PFKFB3: variants seen among roughly 807,000 people sequenced by gnomAD.
PFKFB3 encodes the protein 6-phosphofructo-2-kinase/fructose-2,6-biphosphatase 3, also known as 6-phosphofructo-2-kinase/fructose-2,6-bisphosphatase 3.
Under a neutral mutation model 68.0 loss-of-function variants are expected in PFKFB3, and 33 were observed. The ratio of observed to expected loss-of-function variants is 0.49; its 90% confidence interval spans 0.37 to 0.65. The LOEUF (loss-of-function observed/expected upper bound fraction) is 0.65. Among genes scored for constraint, PFKFB3 ranks in the 30% least tolerant of loss-of-function variants. The probability of loss-of-function intolerance (pLI) is 0.00; values close to 1 mark genes in which losing one functional copy is unlikely to be tolerated. For missense variants in PFKFB3, 586 were observed against 712.2 expected, an observed-to-expected ratio of 0.82 and a Z score of 2.02; for synonymous variants, 315 against 288.2, an observed-to-expected ratio of 1.09 and a Z score of -0.94.
intron 1 of PFKFB3, among the ~76,000 whole-genome samples, chr10:6,177,480 CTTTCTTTT>C (rs1275567245): frequency 1.7e-5 from 2 of 119,202 alleles, no homozygotes; most frequent in East Asian, 6.0e-4. Flanking sequence ...TTCTTTCTTT[CTTTCTTTT>C]TCTTTTCTTT....
intron 1 of PFKFB3, among the ~76,000 whole-genome samples, chr10:6,178,362 T>C (rs1588427979): frequency 6.6e-6 from 1 of 151,846 alleles, no homozygotes. Flanking sequence ...TGCCCTGTCC[T>C]CTTGGGGAGA....
chr10:6,174,229 C>G (rs1842394321), intron 1 of PFKFB3, among the ~76,000 whole-genome samples: 1 of 152,184 alleles, frequency 6.6e-6, no homozygotes, highest in African/African-American at 2.4e-5. Flanking sequence ...ACTCCTGGCA[C>G]AGATCTGCTG....
the PFKFB3 span, among the ~76,000 whole-genome samples, chr10:6,313,446 C>T: frequency 6.6e-6 from 1 of 152,188 alleles, no homozygotes; most frequent in Non-Finnish European, 1.5e-5. The surrounding 1 kb of genome is among the most constrained non-coding windows in gnomAD (Gnocchi z 4.2). Flanking sequence ...CTCAGTGTGA[C>T]CGGTTGTCTC....
intron 6 of PFKFB3, among the ~76,000 whole-genome samples, chr10:6,217,514 C>T (rs11812483): frequency 2.0e-5 from 3 of 151,754 alleles, no homozygotes; most frequent in Admixed American, 6.6e-5. Flanking sequence ...GGCAGAGGGC[C>T]GCTCACTGCC....
At chr10:6,231,603 G>A in intron 14 of PFKFB3, 1 of 985,212 alleles carries the variant, frequency 1.0e-6, no homozygotes, top group Non-Finnish European at 1.2e-6. Flanking sequence ...TGGTGGTGTT[G>A]AGGACAGGTT....
intron 14 of PFKFB3, among the ~76,000 whole-genome samples, chr10:6,242,808 G>A (rs904605588): frequency 3.3e-5 from 5 of 152,132 alleles, no homozygotes; most frequent in African/African-American, 7.2e-5. Flanking sequence ...GGCTGGTTTC[G>A]AACTCTTGAC....
rs1588500652 is a variant in PFKFB3, at chr10:6,215,947, G to T, written c.300-178G>T. 6.6e-6 allele frequency among the ~76,000 whole-genome samples: 1 copy of T among 152,176 alleles called. No individual in the cohort carries two copies. Among genetic ancestry groups the T allele is most frequent in the South Asian group, 2.1e-4 (1 of 4,834 alleles). On this transcript the variant is annotated intron_variant, in intron 3 of 14. Transcript: ENST00000379775. The surrounding 1 kb of genome is among the most constrained non-coding windows in gnomAD (Gnocchi z 4.3). ...CCCGAGGGTTCCTGAGGCCACCCGT[G>T]TGGGGCCCCAGGTTGGAAGCCTCTG... is the stretch of plus-strand genomic sequence containing the variant.
chr10:6,181,166 C>T (rs1483291536), intron 1 of PFKFB3, among the ~76,000 whole-genome samples: 1 of 152,154 alleles, frequency 6.6e-6, no homozygotes, highest in East Asian at 1.9e-4. Context: ...AGGTGTGTGC[C>T]ATCACACCTG....
Position 6,191,189 on chromosome 10 carries a change from A to G in PFKFB3, c.17-22434A>G, listed in dbSNP as rs529922942. On this transcript the variant is annotated intron_variant, in intron 1 of 14. Transcript: ENST00000379789. ...AAGTGGCCGAACACCGAAGGCTGCC[A>G]CAGGAAAATTATTTAAAGATACATT... Among the ~76,000 whole-genome samples the G allele has an allele frequency of 9.8e-5, 15 of 152,380 alleles. No individual in the cohort carries two copies. The East Asian group carries it at 2.7e-3, about 27-fold the overall frequency.
chr10:6,191,568 G>A lies in PFKFB3; in HGVS notation c.17-22055G>A, dbSNP rs1843022749. Among the ~76,000 whole-genome samples the A allele has an allele frequency of 2.6e-5, 4 of 152,342 alleles. No individual in the cohort carries two copies. The South Asian group carries it at 8.3e-4, about 32-fold the overall frequency. ...GTTGCTGAGAGGTAGAGCTGGGATG[G>A]GGGCTCGGGCCCCCCCTAGAATCAC... On this transcript the variant is annotated intron_variant, in intron 1 of 14. Transcript: ENST00000379789.
At chr10:6,163,289 A>G (rs1200433829) in intron 1 of PFKFB3, among the ~76,000 whole-genome samples, 2 of 152,256 alleles carry the variant, frequency 1.3e-5, no homozygotes, top group Admixed American at 6.5e-5. Flanking sequence ...AGGGAACTCC[A>G]TCACGAATAT....
chr10:6,287,085 T>TTTTTG, the PFKFB3 span, among the ~76,000 whole-genome samples: 2,068 of 152,108 alleles, frequency 0.014, 44 homozygotes, highest in African/African-American at 0.048. Context: ...TAATACTGTT[T>TTTTTG]TTTTGTTTTG....
At chr10:6,211,929 A>C (rs531087079) in intron 1 of PFKFB3, among the ~76,000 whole-genome samples, 7 of 152,170 alleles carry the variant, frequency 4.6e-5, no homozygotes, top group Admixed American at 6.5e-5. Flanking sequence ...GATCCTGGAC[A>C]TTGACTTCAG....
chr10:6,262,370 C>T, the PFKFB3 span, among the ~76,000 whole-genome samples: 26 of 39,040 alleles, frequency 6.7e-4, no homozygotes, highest in Non-Finnish European at 1.2e-3. Context: ...AGGAGAATGG[C>T]GTGAACCCTG....
chr10:6,167,852 G>C (rs1334290247), intron 1 of PFKFB3, among the ~76,000 whole-genome samples: 1 of 152,120 alleles, frequency 6.6e-6, no homozygotes, highest in Non-Finnish European at 1.5e-5. Context: ...GATATCTATG[G>C]AGATAGCCAG....
intron 1 of PFKFB3, among the ~76,000 whole-genome samples, chr10:6,176,069 C>T (rs182298964): frequency 1.3e-3 from 204 of 152,328 alleles, no homozygotes; most frequent in Non-Finnish European, 2.3e-3. Flanking sequence ...AAGAATGCAA[C>T]GTTCCATCAG....
At chr10:6,165,694 TA>T in intron 1 of PFKFB3, among the ~76,000 whole-genome samples, 1 of 152,354 alleles carries the variant, frequency 6.6e-6, no homozygotes, top group South Asian at 2.1e-4. Flanking sequence ...TATTTTTTTG[TA>T]AATGTTTTAG....
the PFKFB3 span, among the ~76,000 whole-genome samples, chr10:6,314,505 C>A: frequency 6.6e-6 from 1 of 152,182 alleles, no homozygotes; most frequent in Non-Finnish European, 1.5e-5. Flanking sequence ...CGTATCATGG[C>A]ATCTTTCCAT....
rs1845551482 is a variant in PFKFB3, at chr10:6,228,992, C to G, written c.1515+2627C>G. On this transcript the variant is annotated intron_variant, in intron 14 of 14. Coordinates refer to ENST00000379775, the MANE Select transcript of PFKFB3 (RefSeq NM_004566.4). The surrounding 1 kb of genome is among the most constrained non-coding windows in gnomAD (Gnocchi z 4.5). ...CTTCCCCACCAGGAGCAGAGGCCTTCCTGCCACAGAACTTTAATGACAGCC... is the reference window on the plus strand; with the variant it reads ...CTTCCCCACCAGGAGCAGAGGCCTTGCTGCCACAGAACTTTAATGACAGCC... 1 of 440,030 alleles carries G rather than the reference C, an allele frequency of 2.3e-6. No homozygotes were observed. The highest frequency in any genetic ancestry group is 1.7e-5 in the South Asian group (1 of 59,154). The allele number at this position is 440,030 out of a possible 1,614,324, so 27.3% of individuals were successfully genotyped here.
Sources: allele counts gnomAD v4.1 joint callset (sites outside exome capture counted in the v4.1 genomes callset), GRCh38; gene constraint gnomAD v4.1.1; non-coding constraint Gnocchi (gnomAD v3.1); transcripts MANE v1.5; gene names NCBI Gene and HGNC (gene_info 2026-07-23, HGNC 2026-07-21).